ZCWPW1: variants seen among roughly 807,000 people sequenced by gnomAD.
The protein encoded by ZCWPW1 is zinc finger CW-type PWWP domain protein 1.
In ZCWPW1, 56 loss-of-function variants were observed where a neutral mutation model predicts 81.3. The ratio of observed to expected loss-of-function variants is 0.69; its 90% CI spans 0.56 to 0.86. The LOEUF (loss-of-function observed/expected upper bound fraction) is 0.86, where lower values mean the gene tolerates loss of function less well. Among genes scored for constraint, ZCWPW1 ranks in the 40% least tolerant of loss-of-function variants. The probability of loss-of-function intolerance (pLI) is 0.00; values close to 1 mark genes in which losing one functional copy is unlikely to be tolerated. For missense variants in ZCWPW1, 650 were observed against 769.8 expected, an observed-to-expected ratio of 0.84 and a Z score of 1.84; for synonymous variants, 250 against 273.7, an observed-to-expected ratio of 0.91 and a Z score of 0.86.
intron 15 of ZCWPW1, among the ~76,000 whole-genome samples, 186 bp downstream of exon 15, chr7:100,403,508 C>T (rs1016648304): frequency 6.6e-6 from 1 of 151,588 alleles, no homozygotes; most frequent in Non-Finnish European, 1.5e-5. Flanking sequence ...AGCCACCACA[C>T]CCAGCCATCT....
intron 8 of ZCWPW1, among the ~76,000 whole-genome samples, chr7:100,413,152 G>A (rs1285103926): frequency 6.6e-6 from 1 of 152,128 alleles, no homozygotes; most frequent in Non-Finnish European, 1.5e-5. Flanking sequence ...AATCACCAAA[G>A]GATCCTTTTA....
chr7:100,404,354 CA>C, intron 13 of ZCWPW1, 110 bp from the exon 14 acceptor site: 2 of 965,506 alleles, frequency 2.1e-6, no homozygotes, highest in Non-Finnish European at 3.2e-6. Flanking sequence ...TTTTCCATAC[CA>C]AAATTATCAT....
In ZCWPW1 at chr7:100,419,096, T is replaced by A; in HGVS notation, c.361+15A>T. ...TGCTTAACTGAAACCCTTTTTCTCT[T>A]ACTACATGCCATACCCAAGCACTCC... On this transcript the variant is annotated intron_variant, in intron 5 of 17. Coordinates refer to ENST00000684423, the MANE Select transcript of ZCWPW1 (RefSeq NM_001386010.1). 1 of 1,609,748 alleles carries A rather than the reference T, an allele frequency of 6.2e-7. No individual in the cohort carries two copies. The highest frequency in any genetic ancestry group is 8.5e-7 in the Non-Finnish European group (1 of 1,177,348).
At position 100,403,766 on chromosome 7, in the gene ZCWPW1, C is replaced by T. The variant is rs1792412736; in HGVS notation, c.1341G>A (p.Leu447=). 15 of 1,614,044 alleles carry T rather than the reference C, an allele frequency of 9.3e-6. No homozygotes were observed. Among genetic ancestry groups the T allele is most frequent in the Non-Finnish European group, 1.3e-5 (15 of 1,179,986 alleles). Residue 447 remains leucine (L), a synonymous_variant, in exon 15 of 18, where the codon TTG becomes TTA. Transcript: ENST00000684423. ...GERKDLQLSG[L]NSPGSCLEKK... ...TCTCTAAGCAGGATCCTGGGCTGTT[C>T]AAACCAGAGAGCTGTAAGTCTAGAA...
chr7:100,412,329 C>G (rs1283711019), intron 8 of ZCWPW1, among the ~76,000 whole-genome samples: 1 of 152,228 alleles, frequency 6.6e-6, no homozygotes, highest in Non-Finnish European at 1.5e-5. Context: ...TCACAAGGAT[C>G]TCAAACCTAA....
intron 1 of ZCWPW1, among the ~76,000 whole-genome samples, chr7:100,426,427 G>A (rs1797345913): frequency 6.7e-6 from 1 of 150,344 alleles, no homozygotes; most frequent in Non-Finnish European, 1.5e-5. Flanking sequence ...AGGAGGTGGA[G>A]GTTGCAGTGA....
At chr7:100,428,513 C>T (rs1268434279) in intron 1 of ZCWPW1, 55 bp downstream of exon 1, 1 of 152,632 alleles carries the variant, frequency 6.6e-6, no homozygotes, top group Non-Finnish European at 1.5e-5. Context: ...CCTTTTCCTC[C>T]CTCTTTCCGT....
chr7:100,409,792 T>G (rs958380301), intron 8 of ZCWPW1, among the ~76,000 whole-genome samples: 1 of 152,238 alleles, frequency 6.6e-6, no homozygotes, highest in Non-Finnish European at 1.5e-5. Context: ...TTGATCTTTT[T>G]CCTGTACTAG....
At chr7:100,417,005 T>G (rs1795385705) in intron 6 of ZCWPW1, 61 bp downstream of exon 6, 1 of 1,206,042 alleles carries the variant, frequency 8.3e-7, no homozygotes, top group Non-Finnish European at 1.2e-6. Flanking sequence ...ATAGATAGAC[T>G]GACTGACCAT....
chr7:100,417,401 G>A (rs1433844306), intron 5 of ZCWPW1: 3 of 481,228 alleles, frequency 6.2e-6, no homozygotes, highest in East Asian at 7.0e-5. Flanking sequence ...AGGATGGCCA[G>A]GTAATGATAA....
intron 5 of ZCWPW1, 41 bp downstream of exon 5, chr7:100,419,070 C>T (rs1298184741): frequency 1.9e-6 from 3 of 1,543,612 alleles, no homozygotes; most frequent in Admixed American, 1.7e-5. Context: ...GTAACAGTCA[C>T]TGCTTAACTG....
At chr7:100,420,270 C>A (rs1370155749) in intron 3 of ZCWPW1, among the ~76,000 whole-genome samples, 1 of 152,154 alleles carries the variant, frequency 6.6e-6, no homozygotes, top group African/African-American at 2.4e-5. Context: ...TAGTCAAAAT[C>A]TATAAATTAT....
At chr7:100,402,414 G>T in intron 16 of ZCWPW1, 102 bp downstream of exon 16, 1 of 1,278,456 alleles carries the variant, frequency 7.8e-7, no homozygotes, top group Non-Finnish European at 1.1e-6. Flanking sequence ...TCAGGTCCTG[G>T]CACTGAGATG....
chr7:100,408,790 A>G (rs756448135), intron 9 of ZCWPW1, 131 bp from the exon 10 acceptor site: 5 of 1,063,842 alleles, frequency 4.7e-6, no homozygotes, highest in Non-Finnish European at 6.5e-6. Flanking sequence ...CACCTGGGAG[A>G]TCAGCACAGA....
At chr7:100,426,039 C>T (rs1459303916) in intron 1 of ZCWPW1, among the ~76,000 whole-genome samples, 1 of 152,128 alleles carries the variant, frequency 6.6e-6, no homozygotes, top group African/African-American at 2.4e-5. Flanking sequence ...AATTCTCTCT[C>T]CCCACACACC....
intron 8 of ZCWPW1, among the ~76,000 whole-genome samples, chr7:100,411,697 G>A (rs969930465): frequency 6.6e-6 from 1 of 152,064 alleles, no homozygotes; most frequent in African/African-American, 2.4e-5. Flanking sequence ...AAGAGTAGGA[G>A]GAGAGGCCAG....
At chr7:100,424,760 G>A (rs1797008901) in intron 2 of ZCWPW1, among the ~76,000 whole-genome samples, 1 of 151,960 alleles carries the variant, frequency 6.6e-6, no homozygotes, top group South Asian at 2.1e-4. Flanking sequence ...GTGCCCGGCC[G>A]AAATTCTTTA....
In ZCWPW1 at chr7:100,401,078, C is replaced by T. The variant is rs1791770912; in HGVS notation, c.1886G>A (p.Ser629Asn). 2 of 1,614,092 alleles carry T rather than the reference C, an allele frequency of 1.2e-6. No individual in the cohort carries two copies. The highest frequency in any genetic ancestry group is 8.5e-7 in the Non-Finnish European group (1 of 1,180,034). Residue 629 changes from serine to asparagine, a missense_variant, in exon 18 of 18, where the codon AGC becomes AAC. Physicochemically the swap from Ser to Asn is conservative, Grantham distance 46. Transcript: ENST00000684423. ...ACTGTTGCTGTGCTGCAGCTCCCCG[C>T]TCTGCCCCAGCTCTCTCCCAACATC... The part of the protein sequence containing the change: ...MEDVGRELGQ[S>N]GELQHSNSDG...
intron 5 of ZCWPW1, among the ~76,000 whole-genome samples, chr7:100,418,468 T>C (rs1022484280): frequency 1.3e-5 from 2 of 152,006 alleles, no homozygotes; most frequent in Non-Finnish European, 2.9e-5. Context: ...CTGGGCAACA[T>C]AGCAAGACCT....
Sources: gnomAD v4.1 joint callset for allele counts (sites outside exome capture counted in the v4.1 genomes callset) on GRCh38, gnomAD v4.1.1 for gene constraint, MANE v1.5 for transcripts, NCBI Gene and HGNC (gene_info 2026-07-23, HGNC 2026-07-21) for gene names.